Variants in DOCK3 observed in about 807,000 individuals in gnomAD.
The protein encoded by DOCK3 is dedicator of cytokinesis protein 3.
In DOCK3, 60 loss-of-function variants were observed where a neutral mutation model predicts 265.6. The observed-to-expected ratio is 0.23, with a 90% CI of 0.18 to 0.28. The LOEUF (loss-of-function observed/expected upper bound fraction) is 0.28, where lower values mean the gene tolerates loss of function less well. DOCK3 is among the 10% of genes least tolerant of loss of function. The pLI is 1.00. For synonymous variants in DOCK3, 881 were observed against 938.0 expected (o/e 0.94, Z 1.11); for missense variants, 1,981 against 2,594.3 (o/e 0.76, Z 5.14).
intron 5 of DOCK3, among the ~76,000 whole-genome samples, chr3:51,059,042 A>T (rs892215151): frequency 9.9e-5 from 15 of 152,146 alleles, no homozygotes; most frequent in African/African-American, 3.6e-4. Flanking sequence ...TAGTGAACAT[A>T]GTACCTAACA....
chr3:51,298,726 T>G (rs894228875), intron 27 of DOCK3, among the ~76,000 whole-genome samples: 7 of 152,068 alleles, frequency 4.6e-5, no homozygotes, highest in African/African-American at 1.5e-4. Context: ...TCCATGTCCC[T>G]GCAAAGGACA....
chr3:51,329,808 G>A (rs2084397361), intron 32 of DOCK3, among the ~76,000 whole-genome samples: 1 of 152,038 alleles, frequency 6.6e-6, no homozygotes, highest in Non-Finnish European at 1.5e-5. Context: ...TTTTAAAGGG[G>A]GAAAAAAACA....
intron 12 of DOCK3, among the ~76,000 whole-genome samples, chr3:51,164,779 T>G (rs1395776022): frequency 6.6e-6 from 1 of 152,098 alleles, no homozygotes; most frequent in Non-Finnish European, 1.5e-5. Context: ...CAATATTAGG[T>G]GGCAACCTCT....
chr3:51,269,180 A>G (rs1421076698), intron 23 of DOCK3, among the ~76,000 whole-genome samples: 1 of 147,656 alleles, frequency 6.8e-6, no homozygotes, highest in East Asian at 2.0e-4. Flanking sequence ...TATACATATA[A>G]TAATATACAT....
intron 12 of DOCK3, among the ~76,000 whole-genome samples, chr3:51,178,010 A>AC (rs1576328833): frequency 8.0e-6 from 1 of 124,696 alleles, no homozygotes; most frequent in Non-Finnish European, 1.6e-5. Context: ...AAAACAAACA[A>AC]AAAAAAACTC....
At chr3:51,076,451 A>C (rs1309711190) in intron 7 of DOCK3, among the ~76,000 whole-genome samples, 4 of 152,218 alleles carry the variant, frequency 2.6e-5, no homozygotes, top group Non-Finnish European at 5.9e-5. Flanking sequence ...AATAAAAAGT[A>C]TGAACAAGAC....
intron 6 of DOCK3, among the ~76,000 whole-genome samples, chr3:51,071,551 A>G (rs954336810): frequency 2.6e-5 from 4 of 152,248 alleles, no homozygotes; most frequent in Admixed American, 1.3e-4. Context: ...CATGGGGATA[A>G]TAATTAAAAT....
intron 12 of DOCK3, among the ~76,000 whole-genome samples, chr3:51,190,198 C>T (rs1262556870): frequency 6.6e-6 from 1 of 152,194 alleles, no homozygotes; most frequent in African/African-American, 2.4e-5. Context: ...TCCCCCTTTC[C>T]ATAAGAGTAA....
intron 49 of DOCK3, among the ~76,000 whole-genome samples, chr3:51,368,238 C>G (rs2087392425): frequency 1.3e-5 from 2 of 152,238 alleles, no homozygotes; most frequent in South Asian, 2.1e-4. Context: ...TGGGTGCAGC[C>G]CACGGAGCAG....
At chr3:51,239,576 T>G (rs896793461) in intron 21 of DOCK3, among the ~76,000 whole-genome samples, 1,779 of 148,866 alleles carry the variant, frequency 0.012, 34 homozygotes, top group African/African-American at 0.036. Flanking sequence ...GTTTGTTTGT[T>G]TTTTGTTTTT....
At chr3:51,080,475 A>T (rs2082189823) in intron 7 of DOCK3, among the ~76,000 whole-genome samples, 1 of 152,236 alleles carries the variant, frequency 6.6e-6, no homozygotes, top group Admixed American at 6.5e-5. Context: ...GGTGATGATT[A>T]CACTGAAAAG....
At position 51,004,189 on chromosome 3, in the gene DOCK3, C is replaced by T. The variant is rs1407472942; in HGVS notation, c.316-60259C>T. ...TTTCCATCTTGGATGCCCGTTTTTT[C>T]TTTCTTTCTCTCTCTTTCTGTTTGT... On this transcript the variant is annotated intron_variant, in intron 5 of 52. Coordinates refer to ENST00000266037, the MANE Select transcript of DOCK3 (RefSeq NM_004947.5). 2.0e-5 allele frequency among the ~76,000 whole-genome samples: 3 copies of T among 151,942 alleles called. No homozygotes were observed. The East Asian group carries it at 5.8e-4, about 29-fold the overall frequency.
chr3:50,988,035 A>G (rs2077965724), intron 5 of DOCK3, among the ~76,000 whole-genome samples: 1 of 152,188 alleles, frequency 6.6e-6, no homozygotes, highest in Admixed American at 6.5e-5. Flanking sequence ...AAGCAGTGAC[A>G]GTCTGCAGGC....
chr3:50,985,692 A>T (rs1427404930), intron 5 of DOCK3, among the ~76,000 whole-genome samples: 1 of 152,186 alleles, frequency 6.6e-6, no homozygotes, highest in South Asian at 2.1e-4. Context: ...GCTGAGCACC[A>T]TAACATATGA....
At chr3:51,063,590 CATT>C (rs1311396104) in intron 5 of DOCK3, among the ~76,000 whole-genome samples, 1 of 152,124 alleles carries the variant, frequency 6.6e-6, no homozygotes, top group African/African-American at 2.4e-5. Flanking sequence ...CCTTCAGAAG[CATT>C]ATTTATAGAT....
At chr3:50,919,217 G>T (rs200746469) in intron 4 of DOCK3, among the ~76,000 whole-genome samples, 11 of 152,060 alleles carry the variant, frequency 7.2e-5, no homozygotes, top group Non-Finnish European at 2.9e-5. Flanking sequence ...TTGTTCTTTT[G>T]GCTTAGGATT....
intron 1 of DOCK3, among the ~76,000 whole-genome samples, chr3:50,702,907 C>G (rs1481145936): frequency 6.6e-6 from 1 of 152,100 alleles, no homozygotes; most frequent in Non-Finnish European, 1.5e-5. Flanking sequence ...AAGTGGGCAT[C>G]CTTGTCTTGG....
At chr3:50,903,797 G>C (rs1000934333) in intron 4 of DOCK3, among the ~76,000 whole-genome samples, 1 of 151,502 alleles carries the variant, frequency 6.6e-6, no homozygotes, top group Non-Finnish European at 1.5e-5. Flanking sequence ...TAAGTTCTAG[G>C]GTACATGTGC....
intron 27 of DOCK3, among the ~76,000 whole-genome samples, chr3:51,309,003 C>T (rs1364800668): frequency 2.0e-4 from 30 of 150,298 alleles, no homozygotes; most frequent in African/African-American, 5.7e-4. Context: ...GGGGCAGAGG[C>T]GCTCCCCACA....
Sources: gnomAD v4.1 joint callset for allele counts (sites outside exome capture counted in the v4.1 genomes callset) on GRCh38, gnomAD v4.1.1 for gene constraint, MANE v1.5 for transcripts, NCBI Gene and HGNC (gene_info 2026-07-23, HGNC 2026-07-21) for gene names.